The following MKI67 variants were observed in gnomAD, a reference collection of about 807,000 sequenced individuals.
MKI67 encodes the protein proliferation marker protein Ki-67.
A neutral mutation model predicts 233.5 loss-of-function variants in MKI67; 152 were observed. The ratio of observed to expected loss-of-function variants is 0.65; its 90% CI spans 0.57 to 0.74. The LOEUF is 0.74. Ranked by LOEUF, MKI67 falls within the 30% of genes least tolerant of loss-of-function variation. MKI67 has a pLI of 0.00. For missense variants in MKI67, 3,940 were observed against 3,885.2 expected (o/e 1.01, Z -0.37); for synonymous variants, 1,465 against 1,418.5 (o/e 1.03, Z -0.74).
Position 128,108,228 on chromosome 10 carries a change from T to C in MKI67, c.3612A>G (p.Leu1204=). 1 of 1,613,198 alleles carries C rather than the reference T, an allele frequency of 6.2e-7. No homozygotes were observed. Among genetic ancestry groups the C allele is most frequent in the Non-Finnish European group, 8.5e-7 (1 of 1,179,838 alleles). Residue 1204 remains leucine, a synonymous_variant, in exon 13 of 15, where the codon TTA becomes TTG. Coordinates refer to ENST00000368654, the MANE Select transcript of MKI67 (RefSeq NM_002417.5). The part of the protein sequence containing the change: ...PVQKLDLAGT[L]PGSKRQLQTP... ...TCTGTAGCTGTCTTTTGCTGCCAGG[T>C]AAAGTTCCTGCCAGGTCCAGTTTCT... is the stretch of plus-strand genomic sequence containing the variant.
intron 11 of MKI67, 21 bp downstream of exon 11, chr10:128,111,624 G>A: frequency 6.4e-7 from 1 of 1,557,394 alleles, no homozygotes; most frequent in Non-Finnish European, 8.7e-7. Context: ...AGATTTATAA[G>A]ATCTAAGACT....
intron 5 of MKI67, among the ~76,000 whole-genome samples, chr10:128,118,839 G>A (rs1319413579): frequency 6.6e-6 from 1 of 152,096 alleles, no homozygotes; most frequent in Admixed American, 6.5e-5. Context: ...AAGCATCTTT[G>A]GCACTCATGA....
At position 128,115,654 on chromosome 10, in the gene MKI67, A is replaced by AT. The variant is rs767170102; in HGVS notation, c.753dup (p.Ser252IlefsTer11). On this transcript the variant is annotated frameshift_variant, in exon 7 of 15. Transcript: ENST00000368654. LOFTEE classifies it high-confidence loss of function. ...TACTGTAGGACATTTTCTTTTTGTG[A>AT]TTTTACATCCAACTCTTTCTTCACT... 6.2e-7 allele frequency: 1 copy of AT among 1,613,312 alleles called. No individual in the cohort carries two copies. The highest frequency in any genetic ancestry group is 8.5e-7 in the Non-Finnish European group (1 of 1,179,894).
At chr10:128,101,991 A>T (rs1214954714) in intron 13 of MKI67, among the ~76,000 whole-genome samples, 2 of 152,256 alleles carry the variant, frequency 1.3e-5, no homozygotes, top group African/African-American at 2.4e-5. Context: ...TTTACAGTTT[A>T]CATTATAGAA....
In MKI67 at chr10:128,097,138, T is replaced by C. The variant is rs1852228773; in HGVS notation, c.*2052A>G. On this transcript the variant is annotated 3_prime_UTR_variant, in exon 15 of 15. Transcript: ENST00000368654. ...GCGAAAAAGTAAAAACAGCTTGTAT[T>C]TAATGGGAATGTCCTATTACATGGA... 6.6e-6 allele frequency: 1 copy of C among 152,138 alleles called. No individual in the cohort carries two copies. Among genetic ancestry groups the C allele is most frequent in the Non-Finnish European group, 1.5e-5 (1 of 68,038 alleles). The allele number at this position is 152,138 out of a possible 1,614,324, so 9.4% of individuals were successfully genotyped here. A position where few individuals can be genotyped will look rare whatever the true frequency, so the allele number is the denominator to read the frequency against.
chr10:128,115,012 T>G lies in MKI67; in HGVS notation c.1396A>C (p.Lys466Gln). Residue 466 changes from lysine to glutamine, a missense_variant, in exon 7 of 15, where the codon AAA becomes CAA. Physicochemically the swap from Lys to Gln is moderately conservative, Grantham distance 53 (BLOSUM62 1). Coordinates refer to ENST00000368654, the MANE Select transcript of MKI67 (RefSeq NM_002417.5). ...ATCTGTCCAGCTGTAGTGCCCAATT[T>G]CTCAGGCTTGCTGAGGGAATCCTTT... ...IQKDSLSKPE[K>Q]LGTTAGQMCS... The G allele has an allele frequency of 6.2e-7, 1 of 1,610,998 alleles. No homozygotes were observed. The highest frequency in any genetic ancestry group is 8.5e-7 in the Non-Finnish European group (1 of 1,177,192).
Position 128,102,602 on chromosome 10 carries a change from GTAATTT to G in MKI67, c.9232_9237del (p.Lys3078_Leu3079del). On this transcript the variant is annotated inframe_deletion, in exon 13 of 15. Coordinates refer to ENST00000368654, the MANE Select transcript of MKI67 (RefSeq NM_002417.5). Reference sequence around the variant, plus strand: ...ACCTTATTTTCAGGGACCGAGTCTTGTAATTTGTGTTCCTCTTTGTTGGTTTTCATG... The same window carrying G: ...ACCTTATTTTCAGGGACCGAGTCTTGGTGTTCCTCTTTGTTGGTTTTCATG... 1 of 1,613,864 alleles carries G rather than the reference GTAATTT, an allele frequency of 6.2e-7. No homozygotes were observed. The highest frequency in any genetic ancestry group is 1.3e-5 in the African/African-American group (1 of 75,032).
intron 5 of MKI67, among the ~76,000 whole-genome samples, chr10:128,117,081 C>T (rs955088758): frequency 2.6e-5 from 4 of 152,142 alleles, no homozygotes; most frequent in Non-Finnish European, 4.4e-5. Flanking sequence ...GAAACAAATT[C>T]GAGGCTTAAA....
At position 128,115,033 on chromosome 10, in the gene MKI67, C is replaced by A. The variant is rs770847667; in HGVS notation, c.1375G>T (p.Asp459Tyr). ...AATTTCTCAGGCTTGCTGAGGGAAT[C>A]CTTTTGGATCTTCCTCTCAACTTGA... ...LTQVERKIQK[D>Y]SLSKPEKLGT... The change falls in exon 7 of 15, where the codon GAT (aspartate) becomes TAT (tyrosine). Residue 459 changes from aspartate (D) to tyrosine (Y), a missense_variant. Coordinates refer to ENST00000368654, the MANE Select transcript of MKI67 (RefSeq NM_002417.5). The A allele has an allele frequency of 9.3e-6, 15 of 1,612,526 alleles. No individual in the cohort carries two copies. Among genetic ancestry groups the A allele is most frequent in the South Asian group, 6.6e-5 (6 of 91,082 alleles).
Position 128,109,061 on chromosome 10 carries a change from T to C in MKI67, c.2779A>G (p.Arg927Gly). ...RREGEMKEIE[R>G]PFETYKENIE... ...TTTTCCTTATATGTCTCAAAAGGTC[T>C]TTCTATTTCCTTCATCTCTCCTTCT... Residue 927 changes from arginine (R) to glycine (G), a missense_variant, in exon 13 of 15, where the codon AGA (arginine) becomes GGA (glycine). Transcript: ENST00000368654. 6.2e-7 allele frequency: 1 copy of C among 1,614,228 alleles called. No homozygotes were observed. Among genetic ancestry groups the C allele is most frequent in the Non-Finnish European group, 8.5e-7 (1 of 1,180,024 alleles).
Position 128,115,405 on chromosome 10 carries a change from C to A in MKI67, c.1003G>T (p.Ala335Ser). The change falls in exon 7 of 15, where the codon GCC (alanine) becomes TCC (serine). Residue 335 changes from alanine to serine, a missense_variant. Transcript: ENST00000368654. ...SVQTPSKAVG[A>S]SFPLYEPAKM... ...GCCGGCTCATAGAGAGGAAAGCTGGCGCCCACAGCCTTGCTGGGAGTCTGA... is the reference window on the plus strand; with the variant it reads ...GCCGGCTCATAGAGAGGAAAGCTGGAGCCCACAGCCTTGCTGGGAGTCTGA... The A allele has an allele frequency of 6.2e-7, 1 of 1,614,128 alleles. No individual in the cohort carries two copies.
rs776744213 is a variant in MKI67, at chr10:128,105,721, T to C, written c.6119A>G (p.Lys2040Arg). ...CTGCTTTGCAGATTCCTTAAACGCT[T>C]TGATGCTCTTTCCATCTCCTGCTGT... ...RETAGDGKSI[K>R]AFKESAKQML... Residue 2040 changes from lysine (K) to arginine (R), a missense_variant, in exon 13 of 15, where the codon AAA becomes AGA. Coordinates refer to ENST00000368654, the MANE Select transcript of MKI67 (RefSeq NM_002417.5). 35 of 1,614,014 alleles carry C rather than the reference T, an allele frequency of 2.2e-5. No homozygotes were observed. Among genetic ancestry groups the C allele is most frequent in the East Asian group, 1.8e-4 (8 of 44,890 alleles).
rs577460619 is a variant in MKI67 at position 128,120,373 on chromosome 10, T to A, written c.288-1054A>T. ...CGGGTGTTGTGGCGCGTGCCTGTAA[T>A]CCCAGCTACTTGGTAGGCTGAGGCA... On this transcript the variant is annotated intron_variant, in intron 4 of 14. Coordinates refer to ENST00000368654, the MANE Select transcript of MKI67 (RefSeq NM_002417.5). Among the ~76,000 whole-genome samples the A allele has an allele frequency of 2.6e-5, 4 of 152,140 alleles. No homozygotes were observed. In the South Asian group the frequency reaches 6.2e-4, roughly 24 times the overall value.
rs143061680 is a variant in MKI67, at chr10:128,108,632, C to T, written c.3208G>A (p.Glu1070Lys). The T allele has an allele frequency of 2.5e-6, 4 of 1,614,058 alleles. No individual in the cohort carries two copies. In the African/African-American group the frequency reaches 4.0e-5, roughly 16 times the overall value. ...GDGKSIRTFK[E>K]SPKQILDPAA... The stretch of plus-strand genomic sequence containing the variant: ...GGGTCCAGGATCTGCTTTGGAGACT[C>T]CTTAAACGTTCTGATGCTCTTGCCA... The change falls in exon 13 of 15, where the codon GAG (glutamate) becomes AAG (lysine). Residue 1070 changes from glutamate (E) to lysine (K), a missense_variant. Physicochemically the swap from Glu to Lys is moderately conservative, Grantham distance 56. Coordinates refer to ENST00000368654, the MANE Select transcript of MKI67 (RefSeq NM_002417.5).
In MKI67 at chr10:128,107,630, G is replaced by T; in HGVS notation, c.4210C>A (p.Leu1404Ile). 6.2e-7 allele frequency: 1 copy of T among 1,614,060 alleles called. No individual in the cohort carries two copies. Among genetic ancestry groups the T allele is most frequent in the Non-Finnish European group, 8.5e-7 (1 of 1,180,036 alleles). ...TGTGTGAGCTTCTTCAGGGCTGAGAGCTCCTTCTGTACGTCCCTTTTCTCC... is the reference window on the plus strand; with the variant it reads ...TGTGTGAGCTTCTTCAGGGCTGAGATCTCCTTCTGTACGTCCCTTTTCTCC... ...PLEKRDVQKE[L>I]SALKKLTQTS... The change falls in exon 13 of 15, where the codon CTC becomes ATC. Residue 1404 changes from leucine to isoleucine, a missense_variant. Leu to Ile is a conservative substitution (Grantham distance 5). Coordinates refer to ENST00000368654, the MANE Select transcript of MKI67 (RefSeq NM_002417.5).
At chr10:128,123,474 A>G (rs1473201804) in intron 2 of MKI67, among the ~76,000 whole-genome samples, 1 of 152,248 alleles carries the variant, frequency 6.6e-6, no homozygotes, top group African/African-American at 2.4e-5. Flanking sequence ...GAATACTTAC[A>G]TCAATTTTGG....
chr10:128,105,383 C>T lies in MKI67; in HGVS notation c.6457G>A (p.Glu2153Lys), dbSNP rs1263771755. 6.2e-7 allele frequency: 1 copy of T among 1,614,052 alleles called. No individual in the cohort carries two copies. The highest frequency in any genetic ancestry group is 2.2e-5 in the East Asian group (1 of 44,890). Residue 2153 changes from glutamate (E) to lysine (K), a missense_variant, in exon 13 of 15, where the codon GAG becomes AAG. By Grantham distance (56) the Glu-to-Lys change is moderately conservative (BLOSUM62 1). Coordinates refer to ENST00000368654, the MANE Select transcript of MKI67 (RefSeq NM_002417.5). Reference protein sequence around the residue: ...TTHTDKVPGDEDKGINVFRET... With the variant: ...TTHTDKVPGDKDKGINVFRET... ...CTGAACACGTTGATGCCTTTATCCT[C>T]ATCTCCTGGTACTTTGTCTGTGTGT...
rs376270963 is a variant in MKI67, at chr10:128,101,377, C to A, written c.9586G>T (p.Asp3196Tyr). 1 of 1,614,182 alleles carries A rather than the reference C, an allele frequency of 6.2e-7. No homozygotes were observed. Residue 3196 changes from aspartate to tyrosine, a missense_variant, in exon 14 of 15, where the codon GAC (aspartate) becomes TAC (tyrosine). Coordinates refer to ENST00000368654, the MANE Select transcript of MKI67 (RefSeq NM_002417.5). ...QKGKGEAGNS[D>Y]SMCLRSRKTK... ...TTTCTTGATCTCAGGCACATGGAGT[C>A]TGAATTTCCTGCTTCTCCTTTCCCT...
intron 12 of MKI67, 90 bp downstream of exon 12, chr10:128,110,288 T>C (rs1852643090): frequency 3.8e-6 from 4 of 1,055,960 alleles, no homozygotes. Flanking sequence ...ACATTTGTTT[T>C]AGAGAAGTAA....
Sources: allele counts gnomAD v4.1 joint callset (sites outside exome capture counted in the v4.1 genomes callset), GRCh38; gene constraint gnomAD v4.1.1; transcripts MANE v1.5; gene names NCBI Gene and HGNC (gene_info 2026-07-23, HGNC 2026-07-21).